Variants in RHBDD1 observed in about 807,000 individuals in gnomAD.
The protein encoded by RHBDD1 is rhomboid-related protein 4.
A neutral mutation model predicts 36.3 loss-of-function variants in RHBDD1; 38 were observed. The observed-to-expected ratio is 1.05, with a 90% CI of 0.81 to 1.37. The LOEUF (loss-of-function observed/expected upper bound fraction) is 1.37. Among genes scored for constraint, RHBDD1 ranks in the 40% most tolerant of loss-of-function variants. RHBDD1 has a pLI of 0.00. For synonymous variants in RHBDD1, 151 were observed against 136.5 expected, an observed-to-expected ratio of 1.11 and a Z score of -0.74; for missense variants, 393 against 377.6, an observed-to-expected ratio of 1.04 and a Z score of -0.34.
chr2:226,936,966 G>A (rs1220741611), intron 8 of RHBDD1, among the ~76,000 whole-genome samples: 3 of 152,088 alleles, frequency 2.0e-5, no homozygotes, highest in Admixed American at 2.0e-4. Flanking sequence ...TTATCAATAT[G>A]TGACATTCTC....
chr2:226,845,868 A>G (rs1252979571), intron 3 of RHBDD1, among the ~76,000 whole-genome samples: 2 of 152,260 alleles, frequency 1.3e-5, no homozygotes, highest in African/African-American at 4.8e-5. Context: ...AATTATAACC[A>G]TAATGATGTC....
rs1036925611 is a variant in RHBDD1, at chr2:226,996,554, CAG to C, written c.*1036_*1037del. 1 of 152,172 alleles carries C rather than the reference CAG, an allele frequency of 6.6e-6. No individual in the cohort carries two copies. Among genetic ancestry groups the C allele is most frequent in the African/African-American group, 2.4e-5 (1 of 41,442 alleles). The allele number at this position is 152,172 out of a possible 1,614,324, so 9.4% of individuals were successfully genotyped here. A position where few individuals can be genotyped will look rare whatever the true frequency, so the allele number is the denominator to read the frequency against. On this transcript the variant is annotated 3_prime_UTR_variant, in exon 9 of 9. Coordinates refer to ENST00000392062, the MANE Select transcript of RHBDD1 (RefSeq NM_001167608.3). ...AAGATCACTGATGTCTTACTGTCAA[CAG>C]AGATATTTTAAAAGAGAGAAGCAGG...
the RHBDD1 span, among the ~76,000 whole-genome samples, chr2:226,818,799 A>G: frequency 6.6e-6 from 1 of 152,020 alleles, no homozygotes; most frequent in Non-Finnish European, 1.5e-5. Flanking sequence ...AGATTGCGCC[A>G]TTGCACTCCA....
chr2:226,814,366 C>T, the RHBDD1 span, among the ~76,000 whole-genome samples: 12 of 151,858 alleles, frequency 7.9e-5, no homozygotes, highest in Non-Finnish European at 1.5e-4. Flanking sequence ...ATTTGGTACT[C>T]AATTAAAGAA....
chr2:226,856,036 T>C (rs1943288614), intron 3 of RHBDD1, among the ~76,000 whole-genome samples: 3 of 152,292 alleles, frequency 2.0e-5, no homozygotes, highest in East Asian at 1.9e-4. Flanking sequence ...CAACTAGTCA[T>C]CAAATAATTA....
chr2:226,950,651 T>C (rs1951352549), intron 8 of RHBDD1, among the ~76,000 whole-genome samples: 1 of 152,202 alleles, frequency 6.6e-6, no homozygotes, highest in Admixed American at 6.5e-5. Flanking sequence ...GACTTATCTT[T>C]CATCTTTTTG....
intron 8 of RHBDD1, among the ~76,000 whole-genome samples, chr2:226,987,500 G>A (rs1957251259): frequency 6.6e-6 from 1 of 152,248 alleles, no homozygotes; most frequent in Admixed American, 6.5e-5. Context: ...AAGCTGCTCA[G>A]GCAGCTGGCC....
chr2:226,840,542 G>A (rs1199820458), intron 3 of RHBDD1, among the ~76,000 whole-genome samples: 1 of 152,164 alleles, frequency 6.6e-6, no homozygotes, highest in East Asian at 1.9e-4. Flanking sequence ...GGTGATTCTA[G>A]AATGTAAGTG....
At chr2:226,921,298 A>C (rs528955265) in intron 8 of RHBDD1, among the ~76,000 whole-genome samples, 6 of 151,950 alleles carry the variant, frequency 3.9e-5, no homozygotes, top group Non-Finnish European at 7.4e-5. Context: ...CCAAAGAACA[A>C]CTTTTTGTCA....
chr2:226,961,792 C>T (rs1166605420), intron 8 of RHBDD1, among the ~76,000 whole-genome samples: 1 of 152,210 alleles, frequency 6.6e-6, no homozygotes, highest in Admixed American at 6.5e-5. Context: ...GAGCACTGGT[C>T]TGCCTGCTTT....
At chr2:226,827,595 CA>C in the RHBDD1 span, among the ~76,000 whole-genome samples, 1 of 152,226 alleles carries the variant, frequency 6.6e-6, no homozygotes, top group Non-Finnish European at 1.5e-5. Context: ...CAGTCCCACC[CA>C]TTTACACATT....
chr2:226,916,515 C>T (rs1948920340), intron 8 of RHBDD1, among the ~76,000 whole-genome samples: 1 of 152,166 alleles, frequency 6.6e-6, no homozygotes, highest in Non-Finnish European at 1.5e-5. Context: ...GGACTTCATA[C>T]AGCCTATCTC....
At chr2:226,850,753 T>C (rs1169406740) in intron 3 of RHBDD1, among the ~76,000 whole-genome samples, 2 of 152,164 alleles carry the variant, frequency 1.3e-5, no homozygotes, top group Non-Finnish European at 1.5e-5. Context: ...TAGATTCCAC[T>C]AAGATTGTGT....
intron 8 of RHBDD1, among the ~76,000 whole-genome samples, chr2:226,939,595 A>T (rs891662438): frequency 5.9e-5 from 9 of 152,188 alleles, no homozygotes; most frequent in African/African-American, 2.2e-4. Flanking sequence ...ACCAGAAACC[A>T]TTGCTCAAAT....
At chr2:226,970,811 A>G (rs1196988661) in intron 8 of RHBDD1, among the ~76,000 whole-genome samples, 1 of 152,204 alleles carries the variant, frequency 6.6e-6, no homozygotes, top group East Asian at 1.9e-4. Context: ...GTATTTCACA[A>G]GGCAATCTTG....
chr2:226,903,509 G>A lies in RHBDD1; in HGVS notation c.567-3284G>A, dbSNP rs573122869. 3.3e-5 allele frequency among the ~76,000 whole-genome samples: 5 copies of A among 152,208 alleles called. No individual in the cohort carries two copies. In the East Asian group the frequency reaches 9.7e-4, roughly 29 times the overall value. On this transcript the variant is annotated intron_variant, in intron 5 of 8. Coordinates refer to ENST00000392062, the MANE Select transcript of RHBDD1 (RefSeq NM_001167608.3). Reference sequence around the variant, plus strand: ...ATCTGTGGTTTCAGCCATCCAGTTGGGGGTCTGCAGATAATGGGGGGTGAC... The same window carrying A: ...ATCTGTGGTTTCAGCCATCCAGTTGAGGGTCTGCAGATAATGGGGGGTGAC...
chr2:226,958,702 CTGTGTGTGTGTGTG>C (rs10666758), intron 8 of RHBDD1, among the ~76,000 whole-genome samples: 2,353 of 138,932 alleles, frequency 0.017, 79 homozygotes, highest in African/African-American at 0.058. Context: ...AAGGATTTTT[CTGTGTGTGTGTGTG>C]TGTGTGTGTG....
rs141648742 is a variant in RHBDD1 at position 226,963,734 on chromosome 2, C to T, written c.857-31697C>T. ...TTGGAATGTGGATCTGGCAGCTAAG[C>T]CTTATTAGAGAACATGACTCAGCAG... On this transcript the variant is annotated intron_variant, in intron 8 of 8. Transcript: ENST00000392062. 2.6e-3 allele frequency among the ~76,000 whole-genome samples: 402 copies of T among 152,222 alleles called. 2 individuals carry two copies. The highest frequency in any genetic ancestry group is 9.0e-3 in the African/African-American group (375 of 41,520).
intron 8 of RHBDD1, among the ~76,000 whole-genome samples, chr2:226,989,265 G>A (rs1957651355): frequency 1.3e-5 from 2 of 152,176 alleles, no homozygotes; most frequent in African/African-American, 4.8e-5. Flanking sequence ...AATCTCACAA[G>A]CATAATGTAA....
Sources: gnomAD v4.1 joint callset for allele counts (sites outside exome capture counted in the v4.1 genomes callset) on GRCh38, gnomAD v4.1.1 for gene constraint, MANE v1.5 for transcripts, NCBI Gene and HGNC (gene_info 2026-07-23, HGNC 2026-07-21) for gene names.